SLC51A: variants seen among roughly 807,000 people sequenced by gnomAD.
The protein encoded by SLC51A is organic solute transporter subunit alpha.
In SLC51A, 22 loss-of-function variants were observed where a neutral mutation model predicts 34.8. The ratio of observed to expected loss-of-function variants is 0.63; its 90% confidence interval spans 0.45 to 0.90. SLC51A has a LOEUF of 0.90. Ranked by LOEUF, SLC51A falls within the 40% of genes least tolerant of loss-of-function variation. The pLI, the probability that SLC51A is intolerant of heterozygous loss-of-function variation, is 0.00. For missense variants in SLC51A, 371 were observed against 414.8 expected (o/e 0.89, Z 0.92); for synonymous variants, 181 against 176.3 (o/e 1.03, Z -0.21).
Position 196,216,619 on chromosome 3 carries a change from C to A in SLC51A, c.-94C>A. On this transcript the variant is annotated 5_prime_UTR_variant, in exon 1 of 9. Coordinates refer to ENST00000296327, the MANE Select transcript of SLC51A (RefSeq NM_152672.6). This position sits in a 1 kb window ranked among gnomAD's most constrained non-coding sequence, Gnocchi z 4.5. ...AATTCTGCTTGCCCCCCACCCCGGC[C>A]CAGGCAAGCCACCCTGCCCCCGGCC... is the stretch of plus-strand genomic sequence containing the variant. 1 of 1,326,434 alleles carries A rather than the reference C, an allele frequency of 7.5e-7. No homozygotes were observed. Among genetic ancestry groups the A allele is most frequent in the Non-Finnish European group, 1.1e-6 (1 of 948,162 alleles). 82.2% of individuals were successfully genotyped at this position (1,326,434 alleles called of 1,614,324 possible). A position where few individuals can be genotyped will look rare whatever the true frequency, so the allele number is the denominator to read the frequency against.
chr3:196,233,346 A>G lies in SLC51A; in HGVS notation c.*147A>G, dbSNP rs1724072457. The stretch of plus-strand genomic sequence containing the variant: ...TTTGACTCTACAGATGAAGGTGAAC[A>G]ATGTTAGAATAAAATTGCTTTGGAT... On this transcript the variant is annotated 3_prime_UTR_variant, in exon 9 of 9. Coordinates refer to ENST00000296327, the MANE Select transcript of SLC51A (RefSeq NM_152672.6). 3.3e-6 allele frequency: 3 copies of G among 910,922 alleles called. No individual in the cohort carries two copies. Among genetic ancestry groups the G allele is most frequent in the Admixed American group, 2.6e-5 (1 of 38,790 alleles). 56.4% of individuals were successfully genotyped at this position (910,922 alleles called of 1,614,324 possible).
At chr3:196,230,861 T>C (rs756745451) in intron 7 of SLC51A, among the ~76,000 whole-genome samples, 1 of 152,210 alleles carries the variant, frequency 6.6e-6, no homozygotes. Context: ...TCTTAACTAA[T>C]TACATTTGTA....
intron 4 of SLC51A, 107 bp downstream of exon 4, chr3:196,227,844 G>A: frequency 8.7e-7 from 1 of 1,152,048 alleles, no homozygotes; most frequent in Middle Eastern, 2.9e-4. Context: ...GCCCTTCCCA[G>A]CTTGTGCTAG....
intron 2 of SLC51A, chr3:196,224,008 G>A (rs919775736): frequency 5.8e-5 from 17 of 293,100 alleles, no homozygotes; most frequent in Admixed American, 5.4e-4. Flanking sequence ...ACAGGTACTC[G>A]CCACCATGCC....
At chr3:196,223,928 C>T (rs1723830635) in intron 2 of SLC51A, 1 of 385,016 alleles carries the variant, frequency 2.6e-6, no homozygotes, top group Non-Finnish European at 4.9e-6. Context: ...GGTGTGATCT[C>T]AGCTCAATGC....
intron 2 of SLC51A, chr3:196,223,857 C>CTT (rs10578707): frequency 0.086 from 28,015 of 326,170 alleles, 1,214 homozygotes; most frequent in East Asian, 0.15. Flanking sequence ...TTTTTAATGC[C>CTT]TTTTTTTTTT....
At position 196,228,701 on chromosome 3, in the gene SLC51A, T is replaced by A. The variant is rs1459857989; in HGVS notation, c.522-108T>A. 6.7e-6 allele frequency: 6 copies of A among 895,536 alleles called. No individual in the cohort carries two copies. The highest frequency in any genetic ancestry group is 1.4e-5 in the South Asian group (1 of 72,414). 55.5% of individuals were successfully genotyped at this position (895,536 alleles called of 1,614,324 possible). On this transcript the variant is annotated intron_variant, in intron 5 of 8. Transcript: ENST00000296327. The surrounding 1 kb of genome is among the most constrained non-coding windows in gnomAD (Gnocchi z 4.9). The stretch of plus-strand genomic sequence containing the variant: ...CCCCATCCACTTAACCTGGTTGGTG[T>A]TTATGACAGCAGCCGAGCCTCAGCC...
intron 4 of SLC51A, 67 bp downstream of exon 4, chr3:196,227,804 T>C: frequency 7.0e-7 from 1 of 1,438,364 alleles, no homozygotes; most frequent in South Asian, 1.2e-5. Flanking sequence ...CTCGAGTCCG[T>C]GTCCTTGATC....
chr3:196,229,169 G>A (rs67044678), intron 6 of SLC51A, among the ~76,000 whole-genome samples: 44,398 of 152,034 alleles, frequency 0.29, 7,385 homozygotes, highest in East Asian at 0.75. Flanking sequence ...CATGGCTCAC[G>A]AGGCCGAGGT....
At chr3:196,224,702 G>GGGGGAGGAGATGGGAGGGGAGGAGA (rs1723851489) in intron 2 of SLC51A, among the ~76,000 whole-genome samples, 1 of 106,840 alleles carries the variant, frequency 9.4e-6, no homozygotes, top group African/African-American at 3.4e-5. Context: ...CGGGGCGGGG[G>GGGGGAGGAGATGGGAGGGGAGGAGA]GGGGAGGAGA....
chr3:196,233,114 C>T lies in SLC51A; in HGVS notation c.938C>T (p.Thr313Ile). The T allele has an allele frequency of 6.2e-7, 1 of 1,614,154 alleles. No homozygotes were observed. The highest frequency in any genetic ancestry group is 1.6e-4 in the Middle Eastern group (1 of 6,062). The change falls in exon 9 of 9, where the codon ACA becomes ATA. Residue 313 changes from threonine (T) to isoleucine (I), a missense_variant. Coordinates refer to ENST00000296327, the MANE Select transcript of SLC51A (RefSeq NM_152672.6). ...GAGACTTTTCTAATGACTGTGCTGA[C>T]ACGAATGTACTACCGAAGGAAAGAC... ...ILETFLMTVL[T>I]RMYYRRKDHK...
intron 2 of SLC51A, among the ~76,000 whole-genome samples, chr3:196,220,057 G>A (rs1205651180): frequency 6.6e-6 from 1 of 152,236 alleles, no homozygotes; most frequent in Non-Finnish European, 1.5e-5. Flanking sequence ...GTTCGGGGAC[G>A]CCCCAGGCCC....
At chr3:196,226,699 A>G (rs4916531) in intron 2 of SLC51A, 105,768 of 236,894 alleles carry the variant, frequency 0.45, 25,184 homozygotes, top group East Asian at 0.86. Context: ...ACTTAAACCC[A>G]GGAGATGGAG....
chr3:196,221,211 C>G (rs1723746213), intron 2 of SLC51A, among the ~76,000 whole-genome samples: 1 of 151,804 alleles, frequency 6.6e-6, no homozygotes, highest in Non-Finnish European at 1.5e-5. Flanking sequence ...TATGATTGCA[C>G]CACCAGCCTC....
Position 196,216,635 on chromosome 3 carries a change from G to GCCCCCCGCCCCCACCAGCCCGCC in SLC51A, c.-73_-72insCGCCCCCACCAGCCCGCCCCCCC. On this transcript the variant is annotated 5_prime_UTR_variant, in exon 1 of 9. Transcript: ENST00000296327. This position sits in a 1 kb window ranked among gnomAD's most constrained non-coding sequence, Gnocchi z 4.5. ...CACCCCGGCCCAGGCAAGCCACCCT[G>GCCCCCCGCCCCCACCAGCCCGCC]CCCCCGGCCCCCACCTGCCCGCCCC... 7.1e-7 allele frequency: 1 copy of GCCCCCCGCCCCCACCAGCCCGCC among 1,416,616 alleles called. No individual in the cohort carries two copies. The allele number at this position is 1,416,616 out of a possible 1,614,324, so 87.8% of individuals were successfully genotyped here.
At chr3:196,229,861 G>A (rs1480460450) in intron 6 of SLC51A, 54 bp from the exon 7 acceptor site, 15 of 1,504,226 alleles carry the variant, frequency 1.0e-5, no homozygotes, top group Non-Finnish European at 1.3e-5. Flanking sequence ...TTGAAAGAGA[G>A]AGAGAGAGAG....
At chr3:196,223,771 C>T in intron 2 of SLC51A, 1 of 267,412 alleles carries the variant, frequency 3.7e-6, no homozygotes, top group Non-Finnish European at 7.1e-6. Context: ...AAATACAGAA[C>T]AGTAAAAAGA....
chr3:196,220,692 A>G (rs1422950944), intron 2 of SLC51A, among the ~76,000 whole-genome samples: 1 of 152,134 alleles, frequency 6.6e-6, no homozygotes, highest in Non-Finnish European at 1.5e-5. Flanking sequence ...TGGCAGGGAA[A>G]GAAGAGGAAG....
At chr3:196,225,927 G>C (rs1400116975) in intron 2 of SLC51A, 1 of 152,230 alleles carries the variant, frequency 6.6e-6, no homozygotes, top group Non-Finnish European at 1.5e-5. Flanking sequence ...ACGAAAGTTT[G>C]AAAACCTTGG....
Sources: allele counts gnomAD v4.1 joint callset (sites outside exome capture counted in the v4.1 genomes callset), GRCh38; gene constraint gnomAD v4.1.1; non-coding constraint Gnocchi (gnomAD v3.1); transcripts MANE v1.5; gene names NCBI Gene and HGNC (gene_info 2026-07-23, HGNC 2026-07-21).